Variants in ECM2 observed in about 807,000 individuals in gnomAD.
ECM2 encodes the protein extracellular matrix protein 2, also known as extracellular matrix protein 2, female organ and adipocyte specific.
ECM2 carries 57 observed loss-of-function variants against 67.5 expected under a neutral mutation model. The ratio of observed to expected loss-of-function variants is 0.84; its 90% CI spans 0.68 to 1.05. ECM2 has a LOEUF of 1.05. ECM2 is among the 50% of genes least tolerant of loss of function. The pLI is 0.00. For missense variants in ECM2, 741 were observed against 822.8 expected (o/e 0.90, Z 1.22); for synonymous variants, 258 against 294.5 (o/e 0.88, Z 1.27).
At chr9:92,537,969 GA>G (rs1228292727), upstream of ECM2, among the ~76,000 whole-genome samples, 3 of 152,000 alleles carry the variant, frequency 2.0e-5, no homozygotes, top group East Asian at 3.8e-4. Flanking sequence ...TTTTTTGGGG[GA>G]AAAAAATGTT....
intron 5 of ECM2, among the ~76,000 whole-genome samples, chr9:92,511,187 G>A (rs1331169942): frequency 2.6e-5 from 4 of 152,156 alleles, no homozygotes; most frequent in East Asian, 1.9e-4. Flanking sequence ...GTGCAATGGC[G>A]CGATCTCGGC....
chr9:92,520,303 G>C (rs1847985127), intron 2 of ECM2, among the ~76,000 whole-genome samples: 1 of 151,858 alleles, frequency 6.6e-6, no homozygotes, highest in South Asian at 2.1e-4. Context: ...AAAGAAATAG[G>C]CATAGGGGTT....
rs754430190 is a variant in ECM2, at chr9:92,509,990, C to T, written c.1215G>A (p.Leu405=). ...LMRLNMDGNN[L]IQIPSQLPST... is the part of the protein sequence containing the mutation. ...ATGGCAATTGTGAAGGAATCTGTAT[C>T]AAATTATTTCCATCCATATTCAAAC... is the stretch of plus-strand genomic sequence containing the variant. Residue 405 remains leucine (L), a synonymous_variant, in exon 6 of 10, where the codon TTG becomes TTA. Transcript: ENST00000344604. 1.2e-6 allele frequency: 2 copies of T among 1,608,358 alleles called. No individual in the cohort carries two copies. Among genetic ancestry groups the T allele is most frequent in the Admixed American group, 1.7e-5 (1 of 57,770 alleles).
the ECM2 span, among the ~76,000 whole-genome samples, chr9:92,545,300 C>T: frequency 2.6e-5 from 4 of 151,838 alleles, no homozygotes; most frequent in African/African-American, 9.7e-5. Context: ...ACCAGGGCTG[C>T]GTGTGGCACT....
chr9:92,508,609 A>G (rs547605001), intron 6 of ECM2, among the ~76,000 whole-genome samples: 1 of 152,320 alleles, frequency 6.6e-6, no homozygotes, highest in East Asian at 1.9e-4. Flanking sequence ...TAGAAACTGA[A>G]TTTTCTAATG....
intron 6 of ECM2, among the ~76,000 whole-genome samples, chr9:92,508,211 T>G (rs2131179118): frequency 6.6e-6 from 1 of 152,318 alleles, no homozygotes; most frequent in South Asian, 2.1e-4. Flanking sequence ...GGGCCAGTAC[T>G]GCAGTAGCTC....
At chr9:92,538,804 G>A (rs865937910), upstream of ECM2, among the ~76,000 whole-genome samples, 6 of 152,326 alleles carry the variant, frequency 3.9e-5, no homozygotes, top group Middle Eastern at 6.8e-3. Flanking sequence ...CAAACAACAT[G>A]AGCAGAGTGA....
rs1438095448 is a variant in ECM2 at position 92,512,130 on chromosome 9, G to A, written c.1055-4C>T. The A allele has an allele frequency of 6.2e-7, 1 of 1,606,704 alleles. No individual in the cohort carries two copies. The highest frequency in any genetic ancestry group is 8.5e-7 in the Non-Finnish European group (1 of 1,173,586). On this transcript the variant is annotated splice_region_variant and splice_polypyrimidine_tract_variant and intron_variant, in intron 4 of 9. Transcript: ENST00000344604. Reference sequence around the variant, plus strand: ...GGGATGGAGGCGATGGAATTGCCTAGGACACACAGCGGTTATGTTTTAGGC... The same window carrying A: ...GGGATGGAGGCGATGGAATTGCCTAAGACACACAGCGGTTATGTTTTAGGC...
chr9:92,500,362 T>C (rs1588186756), intron 9 of ECM2, among the ~76,000 whole-genome samples: 1 of 152,198 alleles, frequency 6.6e-6, no homozygotes, highest in South Asian at 2.1e-4. Flanking sequence ...TTTGTATTTT[T>C]AGTAGAAACG....
upstream of ECM2, among the ~76,000 whole-genome samples, chr9:92,537,489 G>A (rs764668636): frequency 2.0e-5 from 3 of 151,898 alleles, no homozygotes; most frequent in South Asian, 2.1e-4. Flanking sequence ...GTGAAACCCC[G>A]TCTCTACTAA....
intron 1 of ECM2, 129 bp from the exon 2 acceptor site, chr9:92,523,022 A>G (rs1323830346): frequency 2.3e-6 from 2 of 862,166 alleles, no homozygotes; most frequent in African/African-American, 3.5e-5. Context: ...TATGGACTAT[A>G]TGCTATAGTA....
chr9:92,536,855 G>C (rs7872610), upstream of ECM2, among the ~76,000 whole-genome samples: 56,816 of 150,354 alleles, frequency 0.38, 13,461 homozygotes, highest in African/African-American at 0.67. Context: ...GGTAATTTTA[G>C]AACTATTTTT....
upstream of ECM2, among the ~76,000 whole-genome samples, chr9:92,538,016 CAG>C (rs1849231188): frequency 6.6e-6 from 1 of 151,994 alleles, no homozygotes; most frequent in African/African-American, 2.4e-5. Flanking sequence ...GTAGGGAAAA[CAG>C]AAACTCTCCT....
chr9:92,495,903 C>CT lies in ECM2; in HGVS notation c.*411dup, dbSNP rs1317084353. 2 of 984,336 alleles carry CT rather than the reference C, an allele frequency of 2.0e-6. No individual in the cohort carries two copies. The highest frequency in any genetic ancestry group is 2.4e-6 in the Non-Finnish European group (2 of 829,110). 61.0% of individuals were successfully genotyped at this position (984,336 alleles called of 1,614,324 possible). On this transcript the variant is annotated 3_prime_UTR_variant, in exon 10 of 10. Transcript: ENST00000344604. The stretch of plus-strand genomic sequence containing the variant: ...AACACTTATTCATAAATTCTGCCTG[C>CT]TTTTTTTGTTGTCATTATGCTTCTT...
At chr9:92,555,664 A>G in the ECM2 span, among the ~76,000 whole-genome samples, 1,671 of 152,098 alleles carry the variant, frequency 0.011, 22 homozygotes, top group South Asian at 0.053. Flanking sequence ...TAGGTTTTCT[A>G]TTGTATGTGT....
At chr9:92,546,683 G>A in the ECM2 span, among the ~76,000 whole-genome samples, 3 of 152,132 alleles carry the variant, frequency 2.0e-5, no homozygotes, top group Admixed American at 6.6e-5. Flanking sequence ...GTGAGGGTCC[G>A]CGGCTTCATT....
upstream of ECM2, among the ~76,000 whole-genome samples, chr9:92,540,409 G>C (rs1849289832): frequency 6.8e-6 from 1 of 148,108 alleles, no homozygotes; most frequent in Non-Finnish European, 1.5e-5. Context: ...CTGCACTCCA[G>C]CCTGGACGAC....
rs756258771 is a variant in ECM2, at chr9:92,514,745, G to C, written c.940C>G (p.Leu314Val). 6.2e-7 allele frequency: 1 copy of C among 1,614,184 alleles called. No individual in the cohort carries two copies. Among genetic ancestry groups the C allele is most frequent in the East Asian group, 2.2e-5 (1 of 44,864 alleles). Residue 314 changes from leucine (L) to valine (V), a missense_variant, in exon 4 of 10, where the codon CTG becomes GTG. Leu to Val is a conservative substitution (Grantham distance 32). Coordinates refer to ENST00000344604, the MANE Select transcript of ECM2 (RefSeq NM_001393.4). ...AGAGAGCACCCGCTTGGCAGGCGCA[G>C]TGTGCCTCTGGGAGGAGCAGGAAGC... is the stretch of plus-strand genomic sequence containing the variant. ...SPLPAPPRGT[L>V]RLPSGCSLSY... is the part of the protein sequence containing the mutation.
At chr9:92,529,498 C>T (rs1186629405) in intron 1 of ECM2, among the ~76,000 whole-genome samples, 6 of 152,146 alleles carry the variant, frequency 3.9e-5, no homozygotes, top group African/African-American at 1.2e-4. Flanking sequence ...ACACAAAAAC[C>T]TGCACGCAGA....
Sources: allele counts gnomAD v4.1 joint callset (sites outside exome capture counted in the v4.1 genomes callset), GRCh38; gene constraint gnomAD v4.1.1; transcripts MANE v1.5; gene names NCBI Gene and HGNC (gene_info 2026-07-23, HGNC 2026-07-21).